Variants in AZIN2 observed in about 807,000 individuals in gnomAD.
The protein encoded by AZIN2 is antizyme inhibitor 2.
Under a neutral mutation model 47.8 loss-of-function variants are expected in AZIN2, and 28 were observed. The ratio of observed to expected loss-of-function variants is 0.59; its 90% CI spans 0.43 to 0.80. The LOEUF is 0.80. AZIN2 is among the 30% of genes least tolerant of loss of function. The pLI is 0.00. For missense variants in AZIN2, 535 were observed against 582.5 expected (o/e 0.92, Z 0.84); for synonymous variants, 221 against 239.4 (o/e 0.92, Z 0.71).
intron 11 of AZIN2, chr1:33,119,793 A>G (rs984361476): frequency 1.4e-5 from 8 of 567,904 alleles, no homozygotes; most frequent in South Asian, 8.2e-5. Flanking sequence ...AATAGATAAT[A>G]TAAGTGCCTG....
chr1:33,124,350 C>A (rs770647602), downstream of AZIN2, among the ~76,000 whole-genome samples: 25 of 151,586 alleles, frequency 1.6e-4, no homozygotes, highest in Non-Finnish European at 3.7e-4. This position sits in a 1 kb window ranked among gnomAD's most constrained non-coding sequence, Gnocchi z 4.6. Flanking sequence ...GCTTCTGGAG[C>A]AGAAGAAGCA....
the AZIN2 span, chr1:33,160,066 T>C: frequency 1.6e-6 from 2 of 1,264,442 alleles, no homozygotes; most frequent in African/African-American, 1.5e-5. Flanking sequence ...GCACGCGTGG[T>C]GGGGGAAATG....
At chr1:33,098,593 T>C (rs1643398123) in intron 10 of AZIN2, among the ~76,000 whole-genome samples, 2 of 152,212 alleles carry the variant, frequency 1.3e-5, no homozygotes, top group African/African-American at 4.8e-5. Context: ...AAACAGTTCA[T>C]ATACAGTGGG....
Position 33,096,834 on chromosome 1 carries a change from A to T in AZIN2, c.881A>T (p.Lys294Met), listed in dbSNP as rs748144968. ...ACTGTGGCAGTCAGCATCATTGCCAAGAAGGAGGTTCTGCTAGACCAGCCT... is the reference window on the plus strand; with the variant it reads ...ACTGTGGCAGTCAGCATCATTGCCATGAAGGAGGTTCTGCTAGACCAGCCT... ...AFTVAVSIIA[K>M]KEVLLDQPGR... The change falls in exon 9 of 12, where the codon AAG becomes ATG. Residue 294 changes from lysine (K) to methionine (M), a missense_variant. By Grantham distance (95) the Lys-to-Met change is moderately conservative (BLOSUM62 -1). Around this residue, in one of 3 missense-constraint regions of AZIN2, gnomAD observed 409 missense variants for 429.0 expected, o/e 0.95. Transcript: ENST00000294517. 1.9e-6 allele frequency: 3 copies of T among 1,614,182 alleles called. No individual in the cohort carries two copies. The South Asian group carries it at 3.3e-5, about 18-fold the overall frequency.
rs1384256364 is a variant in AZIN2, at chr1:33,118,098, C to G, written c.1226C>G (p.Ala409Gly). The G allele has an allele frequency of 2.0e-6, 3 of 1,512,488 alleles. No homozygotes were observed. In the African/African-American group the frequency reaches 4.2e-5, roughly 21 times the overall value. 93.7% of individuals were successfully genotyped at this position (1,512,488 alleles called of 1,614,324 possible). A position where few individuals can be genotyped will look rare whatever the true frequency, so the allele number is the denominator to read the frequency against. ...ACCCAGGCCTGCCACATCACCTATG[C>G]CATGTCCCGGGTGGCCTGGTAAGAG... ...WGTQACHITY[A>G]MSRVAWEALR... The change falls in exon 11 of 12, where the codon GCC (alanine) becomes GGC (glycine). Residue 409 changes from alanine to glycine, a missense_variant. Around this residue, in one of 3 missense-constraint regions of AZIN2, gnomAD observed 122 missense variants for 135.8 expected, o/e 0.90. Coordinates refer to ENST00000294517, the MANE Select transcript of AZIN2 (RefSeq NM_052998.4).
chr1:33,158,399 C>G, the AZIN2 span: 3 of 1,596,190 alleles, frequency 1.9e-6, no homozygotes, highest in Non-Finnish European at 2.6e-6. Flanking sequence ...GGGGCTGCAC[C>G]AGGGACTGGA....
chr1:33,112,000 G>A (rs1351621028), intron 10 of AZIN2, among the ~76,000 whole-genome samples: 2 of 152,070 alleles, frequency 1.3e-5, no homozygotes, highest in East Asian at 3.9e-4. Context: ...ACTTTACCGG[G>A]CAATTCACAG....
intron 7 of AZIN2, 23 bp downstream of exon 7, chr1:33,093,439 A>G: frequency 6.2e-7 from 1 of 1,609,368 alleles, no homozygotes; most frequent in Non-Finnish European, 8.5e-7. Flanking sequence ...AACCCCTGCC[A>G]TCCCCTCCCA....
intron 10 of AZIN2, among the ~76,000 whole-genome samples, chr1:33,109,434 T>C (rs1165062808): frequency 6.6e-6 from 1 of 152,016 alleles, no homozygotes; most frequent in African/African-American, 2.4e-5. Context: ...GCTCAAGCGA[T>C]TCTCCTGCCG....
At chr1:33,126,227 G>T (rs2124686998), downstream of AZIN2, among the ~76,000 whole-genome samples, 1 of 152,328 alleles carries the variant, frequency 6.6e-6, no homozygotes, top group South Asian at 2.1e-4. Flanking sequence ...ATGAAGGAAT[G>T]AATCTTTCAG....
At chr1:33,089,369 A>G (rs968387051) in intron 5 of AZIN2, among the ~76,000 whole-genome samples, 3 of 152,204 alleles carry the variant, frequency 2.0e-5, no homozygotes, top group African/African-American at 7.2e-5. Flanking sequence ...AGGCCAAGGC[A>G]GGAGGACTGC....
intron 10 of AZIN2, among the ~76,000 whole-genome samples, chr1:33,103,165 G>T (rs1207446443): frequency 6.6e-6 from 1 of 152,034 alleles, no homozygotes; most frequent in African/African-American, 2.4e-5. Context: ...CAGACAGAAT[G>T]ATCTTTTAAA....
intron 10 of AZIN2, among the ~76,000 whole-genome samples, chr1:33,112,980 T>G (rs190617948): frequency 5.6e-4 from 86 of 152,322 alleles, no homozygotes; most frequent in Admixed American, 1.6e-3. Context: ...GTTTTATTTA[T>G]TTATTTTTTT....
Position 33,092,208 on chromosome 1 carries a change from C to T in AZIN2, c.438C>T (p.Ser146=), listed in dbSNP as rs777043192. 1 of 1,613,844 alleles carries T rather than the reference C, an allele frequency of 6.2e-7. No homozygotes were observed. Among genetic ancestry groups the T allele is most frequent in the Admixed American group, 1.7e-5 (1 of 60,002 alleles). ...TGGAGCTGGCAAAGGTGGTAAAGAG[C>T]CACCCCAGTGCCAAGTAAGCTGAGA... ...NEMELAKVVK[S]HPSAKMVLCI... is the part of the protein sequence containing the mutation. The change falls in exon 6 of 12, where the codon AGC becomes AGT. Residue 146 remains serine, a synonymous_variant. Coordinates refer to ENST00000294517, the MANE Select transcript of AZIN2 (RefSeq NM_052998.4).
intron 3 of AZIN2, 41 bp from the exon 4 acceptor site, chr1:33,082,137 C>A: frequency 2.3e-6 from 2 of 874,642 alleles, no homozygotes; most frequent in South Asian, 2.9e-5. Context: ...GCAGCAGAGC[C>A]GGCCCCCCAG....
At chr1:33,106,712 A>T (rs1179800117) in intron 10 of AZIN2, among the ~76,000 whole-genome samples, 2 of 152,214 alleles carry the variant, frequency 1.3e-5, no homozygotes, top group African/African-American at 4.8e-5. Context: ...GACAAAATTC[A>T]GCATCCTTTC....
At position 33,092,031 on chromosome 1, in the gene AZIN2, C is replaced by T. The variant is rs1480865923; in HGVS notation, c.280-19C>T. The stretch of plus-strand genomic sequence containing the variant: ...GCAGGCCCTGGTGCCTCCTTACAAC[C>T]ACCTTTGGGGCCCCATAGGCAGAGA... On this transcript the variant is annotated intron_variant, in intron 5 of 11. Transcript: ENST00000294517. The T allele has an allele frequency of 1.9e-6, 3 of 1,608,144 alleles. No individual in the cohort carries two copies. Among genetic ancestry groups the T allele is most frequent in the African/African-American group, 1.3e-5 (1 of 74,794 alleles).
At chr1:33,150,277 G>A in the AZIN2 span, among the ~76,000 whole-genome samples, 1 of 152,084 alleles carries the variant, frequency 6.6e-6, no homozygotes, top group Non-Finnish European at 1.5e-5. Context: ...ACATGGTTAT[G>A]CTTGGCTGGA....
At chr1:33,111,736 G>C (rs747338024) in intron 10 of AZIN2, among the ~76,000 whole-genome samples, 1 of 151,918 alleles carries the variant, frequency 6.6e-6, no homozygotes, top group East Asian at 1.9e-4. Flanking sequence ...CAGGTAGCTG[G>C]GTTTACAGGC....
Sources: allele counts gnomAD v4.1 joint callset (sites outside exome capture counted in the v4.1 genomes callset), GRCh38; gene constraint gnomAD v4.1.1; regional missense constraint gnomAD v4.1.1; non-coding constraint Gnocchi (gnomAD v3.1); transcripts MANE v1.5; gene names NCBI Gene and HGNC (gene_info 2026-07-23, HGNC 2026-07-21).